Variants in ZBTB20 observed in about 807,000 individuals in gnomAD.
ZBTB20 encodes zinc finger and BTB domain-containing protein 20.
A neutral mutation model predicts 56.9 loss-of-function variants in ZBTB20; 9 were observed. That is an observed-to-expected ratio of 0.16 (90% CI 0.10 to 0.28). The LOEUF (loss-of-function observed/expected upper bound fraction) is 0.28. ZBTB20 is among the 10% of genes least tolerant of loss of function. The probability of loss-of-function intolerance (pLI) is 1.00; values close to 1 mark genes in which losing one functional copy is unlikely to be tolerated. For missense variants in ZBTB20, 655 were observed against 1,003.0 expected (o/e 0.65, Z 4.69); for synonymous variants, 417 against 420.7 (o/e 0.99, Z 0.11).
chr3:114,843,606 T>G (rs2074495032), intron 4 of ZBTB20, among the ~76,000 whole-genome samples: 2 of 152,204 alleles, frequency 1.3e-5, no homozygotes, highest in African/African-American at 4.8e-5. Context: ...TGGCCTCAAG[T>G]GATCCTCCCA....
intron 1 of ZBTB20, among the ~76,000 whole-genome samples, chr3:115,123,878 T>C (rs902692788): frequency 2.6e-5 from 4 of 152,222 alleles, no homozygotes; most frequent in Non-Finnish European, 4.4e-5. Context: ...AAGTTAGTTC[T>C]GTTTAAGGAT....
At chr3:114,728,641 T>C (rs2065485307) in intron 5 of ZBTB20, among the ~76,000 whole-genome samples, 1 of 152,226 alleles carries the variant, frequency 6.6e-6, no homozygotes, top group African/African-American at 2.4e-5. Context: ...GGCTATTTCA[T>C]TGCCAAGAAA....
chr3:114,937,225 C>T (rs187527233), intron 3 of ZBTB20, among the ~76,000 whole-genome samples: 1 of 152,278 alleles, frequency 6.6e-6, no homozygotes, highest in East Asian at 1.9e-4. Flanking sequence ...CTAATTTACA[C>T]TCCCACTAAC....
intron 11 of ZBTB20, among the ~76,000 whole-genome samples, chr3:114,340,591 C>G (rs911856669): frequency 3.3e-5 from 5 of 152,168 alleles, no homozygotes; most frequent in African/African-American, 1.2e-4. Flanking sequence ...TCCGTGACAT[C>G]TCTTTAAGAT....
At chr3:114,962,130 CTCCAGGCTTACTT>C (rs1163638392) in intron 3 of ZBTB20, among the ~76,000 whole-genome samples, 3 of 152,004 alleles carry the variant, frequency 2.0e-5, no homozygotes, top group Non-Finnish European at 1.5e-5. Context: ...TGAATACATG[CTCCAGGCTTACTT>C]TCTAAGCTCC....
intron 1 of ZBTB20, among the ~76,000 whole-genome samples, chr3:115,115,597 T>C (rs1051616021): frequency 3.9e-5 from 6 of 152,108 alleles, no homozygotes; most frequent in African/African-American, 1.4e-4. Flanking sequence ...CTAGCAGTAT[T>C]TGCTGACAAA....
intron 2 of ZBTB20, among the ~76,000 whole-genome samples, chr3:114,994,835 C>A (rs903542656): frequency 6.6e-6 from 1 of 151,806 alleles, no homozygotes; most frequent in Admixed American, 6.6e-5. Flanking sequence ...TGAAATCCCA[C>A]GCTAAAACTG....
At chr3:114,550,188 T>A (rs2110186948) in intron 6 of ZBTB20, among the ~76,000 whole-genome samples, 1 of 152,306 alleles carries the variant, frequency 6.6e-6, no homozygotes, top group East Asian at 1.9e-4. Context: ...TCCGCCTGCC[T>A]TGGCCTCCCA....
At chr3:114,381,030 C>T (rs1342336510) in intron 8 of ZBTB20, 90 bp from the exon 9 acceptor site, 6 of 307,300 alleles carry the variant, frequency 2.0e-5, no homozygotes, top group Admixed American at 4.9e-5. Context: ...GAACATTCAA[C>T]TTTCCTGCTC....
At chr3:114,804,482 T>C (rs2071953152) in intron 4 of ZBTB20, among the ~76,000 whole-genome samples, 1 of 152,008 alleles carries the variant, frequency 6.6e-6, no homozygotes, top group Non-Finnish European at 1.5e-5. Context: ...CTCAGATTGC[T>C]TTTGAGAGTT....
chr3:114,482,569 T>C (rs2041678494), intron 7 of ZBTB20, among the ~76,000 whole-genome samples: 1 of 152,210 alleles, frequency 6.6e-6, no homozygotes, highest in Non-Finnish European at 1.5e-5. Context: ...TTGTTGTTTT[T>C]TTGGCAGGGT....
At chr3:114,721,517 T>C (rs1313033856) in intron 5 of ZBTB20, among the ~76,000 whole-genome samples, 1 of 152,190 alleles carries the variant, frequency 6.6e-6, no homozygotes, top group African/African-American at 2.4e-5. Context: ...GGCACCGAAC[T>C]ATGTGCTTTA....
At chr3:114,458,673 G>A (rs1465588427) in intron 7 of ZBTB20, among the ~76,000 whole-genome samples, 1 of 151,380 alleles carries the variant, frequency 6.6e-6, no homozygotes, top group Non-Finnish European at 1.5e-5. Flanking sequence ...CATACTGAAC[G>A]TACGGGTTTT....
chr3:114,635,212 C>T (rs770632785), intron 6 of ZBTB20, among the ~76,000 whole-genome samples: 1 of 152,132 alleles, frequency 6.6e-6, no homozygotes, highest in Non-Finnish European at 1.5e-5. Flanking sequence ...TAGAACCGAG[C>T]CTTTTCCTTG....
At chr3:114,702,043 A>T (rs575161227) in intron 5 of ZBTB20, among the ~76,000 whole-genome samples, 3 of 152,356 alleles carry the variant, frequency 2.0e-5, no homozygotes, top group Admixed American at 2.0e-4. Flanking sequence ...GCATAAAAAA[A>T]AATCAGATGA....
chr3:114,902,951 G>A (rs2075179022), intron 3 of ZBTB20, among the ~76,000 whole-genome samples: 1 of 152,110 alleles, frequency 6.6e-6, no homozygotes, highest in African/African-American at 2.4e-5. Context: ...TTTCCTGCTG[G>A]CCTGTAAACA....
Position 114,420,506 on chromosome 3 carries a change from GGAAAGGTTGATACAGGA to G in ZBTB20, c.-254-31418_-254-31402del, listed in dbSNP as rs2089054000. Among the ~76,000 whole-genome samples the G allele has an allele frequency of 2.6e-5, 4 of 152,260 alleles. No homozygotes were observed. The South Asian group carries it at 6.2e-4, about 24-fold the overall frequency. ...TTGCCCGCCTGTGCACATACAGGAA[GGAAAGGTTGATACAGGA>G]GAATGATGTCTCCTTGACTTTTGTC... On this transcript the variant is annotated intron_variant, in intron 7 of 11. Coordinates refer to ENST00000675478, the MANE Select transcript of ZBTB20 (RefSeq NM_001348800.3).
At chr3:114,746,286 C>T (rs765108122) in intron 5 of ZBTB20, among the ~76,000 whole-genome samples, 1 of 152,154 alleles carries the variant, frequency 6.6e-6, no homozygotes, top group Non-Finnish European at 1.5e-5. Flanking sequence ...GAGTTTTCTG[C>T]TTTGGGTATA....
chr3:114,612,811 A>C (rs1386190484), intron 6 of ZBTB20, among the ~76,000 whole-genome samples: 1 of 152,208 alleles, frequency 6.6e-6, no homozygotes, highest in African/African-American at 2.4e-5. Context: ...CTAAGATAAG[A>C]AGCATAATGA....
Sources: allele counts gnomAD v4.1 joint callset (sites outside exome capture counted in the v4.1 genomes callset), GRCh38; gene constraint gnomAD v4.1.1; transcripts MANE v1.5; gene names NCBI Gene and HGNC (gene_info 2026-07-23, HGNC 2026-07-21).